KCNU1: variants seen among roughly 807,000 people sequenced by gnomAD.
KCNU1 encodes the protein potassium calcium-activated channel subfamily U member 1, also known as potassium channel subfamily U member 1.
A neutral mutation model predicts 126.8 loss-of-function variants in KCNU1; 93 were observed. The observed-to-expected ratio is 0.73, with a 90% CI of 0.62 to 0.87. KCNU1 has a LOEUF of 0.87. Ranked by LOEUF, KCNU1 falls within the 40% of genes least tolerant of loss-of-function variation. KCNU1 has a pLI of 0.00. For synonymous variants in KCNU1, 523 were observed against 494.2 expected, an observed-to-expected ratio of 1.06 and a Z score of -0.77; for missense variants, 1,330 against 1,367.1, an observed-to-expected ratio of 0.97 and a Z score of 0.43.
intron 20 of KCNU1, among the ~76,000 whole-genome samples, chr8:36,907,021 T>G (rs1807658049): frequency 6.6e-6 from 1 of 152,132 alleles, no homozygotes. Context: ...TTATTAAGAA[T>G]GCAGACAGGT....
chr8:36,862,853 A>T (rs998799273), intron 18 of KCNU1, among the ~76,000 whole-genome samples: 2 of 152,168 alleles, frequency 1.3e-5, no homozygotes, highest in African/African-American at 4.8e-5. Context: ...TGTCTTAGAC[A>T]TTCCATAACC....
Position 36,801,330 on chromosome 8 carries a change from C to T in KCNU1, c.316-2697C>T, listed in dbSNP as rs550620736. 1.1e-4 allele frequency among the ~76,000 whole-genome samples: 17 copies of T among 152,254 alleles called. 3 individuals carry two copies. Among genetic ancestry groups the T allele is most frequent in the African/African-American group, 4.1e-4 (17 of 41,548 alleles). ...TTAGTGTCCACAAATCTGTCAGCTC[C>T]CAGTGCCTTCTTTTGGTTTTAATAT... On this transcript the variant is annotated intron_variant, in intron 2 of 26. Coordinates refer to ENST00000399881, the MANE Select transcript of KCNU1 (RefSeq NM_001031836.3).
At chr8:36,831,811 GT>G (rs531029282) in intron 10 of KCNU1, among the ~76,000 whole-genome samples, 484 of 150,856 alleles carry the variant, frequency 3.2e-3, no homozygotes, top group Admixed American at 4.8e-3. Context: ...TGCTTTTGGT[GT>G]TTTAGACATG....
At chr8:36,906,428 AG>A (rs1019465551) in intron 20 of KCNU1, among the ~76,000 whole-genome samples, 10 of 152,250 alleles carry the variant, frequency 6.6e-5, no homozygotes, top group African/African-American at 1.9e-4. Context: ...AGATGGAAAA[AG>A]TCTTGTATCC....
At chr8:36,834,448 C>T (rs1044844902) in intron 11 of KCNU1, among the ~76,000 whole-genome samples, 12 of 152,156 alleles carry the variant, frequency 7.9e-5, no homozygotes, top group South Asian at 4.1e-4. Flanking sequence ...AATACACAGA[C>T]GGTTGCTTAT....
chr8:36,912,961 A>G (rs1807944292), intron 22 of KCNU1, among the ~76,000 whole-genome samples: 1 of 150,152 alleles, frequency 6.7e-6, no homozygotes, highest in African/African-American at 2.4e-5. Context: ...AGCAAAAAAA[A>G]AAAAAAAAAA....
intron 23 of KCNU1, among the ~76,000 whole-genome samples, chr8:36,920,894 T>C (rs1808318853): frequency 6.6e-6 from 1 of 152,238 alleles, no homozygotes; most frequent in African/African-American, 2.4e-5. Flanking sequence ...CATTCATTAA[T>C]GTCACTTCCC....
At chr8:36,867,531 ATTGT>A (rs1450295709) in intron 19 of KCNU1, among the ~76,000 whole-genome samples, 1 of 152,164 alleles carries the variant, frequency 6.6e-6, no homozygotes, top group African/African-American at 2.4e-5. Flanking sequence ...AAACTTGAAA[ATTGT>A]TTGTGAAGAC....
At chr8:36,871,959 G>A (rs1806118629) in intron 19 of KCNU1, among the ~76,000 whole-genome samples, 1 of 152,074 alleles carries the variant, frequency 6.6e-6, no homozygotes. Flanking sequence ...AAGGTTATGC[G>A]AAGCTTAGTC....
At chr8:36,923,193 A>C (rs1808424121) in intron 24 of KCNU1, 1 of 406,722 alleles carries the variant, frequency 2.5e-6, no homozygotes, top group Non-Finnish European at 4.9e-6. Context: ...CCCTGGGTGG[A>C]ATTAATTCAT....
intron 7 of KCNU1, among the ~76,000 whole-genome samples, chr8:36,812,344 C>T (rs1434118075): frequency 6.8e-6 from 1 of 146,714 alleles, no homozygotes; most frequent in East Asian, 2.0e-4. Flanking sequence ...CATACCACTG[C>T]ACTCCAGCCT....
intron 19 of KCNU1, among the ~76,000 whole-genome samples, chr8:36,867,540 G>A (rs779249255): frequency 1.3e-5 from 2 of 152,110 alleles, no homozygotes; most frequent in Non-Finnish European, 2.9e-5. Context: ...AATTGTTTGT[G>A]AAGACATAAA....
intron 22 of KCNU1, among the ~76,000 whole-genome samples, chr8:36,912,120 C>T (rs1807897330): frequency 2.0e-5 from 3 of 152,158 alleles, no homozygotes; most frequent in South Asian, 2.1e-4. Context: ...AATCCTTGGG[C>T]CATGCAGCCT....
chr8:36,854,146 C>T (rs181655099), intron 18 of KCNU1, among the ~76,000 whole-genome samples: 31 of 152,258 alleles, frequency 2.0e-4, no homozygotes, highest in African/African-American at 6.7e-4. Flanking sequence ...GACTTGAAGA[C>T]CCTCTGTCTT....
At chr8:36,850,446 A>G (rs557898413) in intron 18 of KCNU1, among the ~76,000 whole-genome samples, 1 of 147,422 alleles carries the variant, frequency 6.8e-6, no homozygotes, top group African/African-American at 2.5e-5. Context: ...CTCTTACAAA[A>G]TCGGTGATCT....
chr8:36,784,666 G>A lies in KCNU1; in HGVS notation c.195+61G>A, dbSNP rs900952429. 1.2e-5 allele frequency: 16 copies of A among 1,286,292 alleles called. No homozygotes were observed. The South Asian group carries it at 2.2e-4, about 17-fold the overall frequency. 79.7% of individuals were successfully genotyped at this position (1,286,292 alleles called of 1,614,324 possible). A position where few individuals can be genotyped will look rare whatever the true frequency, so the allele number is the denominator to read the frequency against. ...TCAGAGATGAGTTTGGGGTAGTTTT[G>A]TGTTTAGTAAAAGATCTAAGCTTCA... On this transcript the variant is annotated intron_variant, in intron 1 of 26. Transcript: ENST00000399881.
In KCNU1 at chr8:36,787,417, C is replaced by T; in HGVS notation, c.307C>T (p.Gln103Ter). The change falls in exon 2 of 27, where the codon CAA (glutamine) becomes TAA (stop). Residue 103 changes from glutamine (Q) to a stop codon, truncating the protein, a stop_gained. Transcript: ENST00000399881. LOFTEE classifies it high-confidence loss of function. ...GCTTTCAGCCCAGACCTTTGTGGGG[C>T]AAGTGTTGGTAAGTACATTTTCAGT... ...MLLSAQTFVG[Q>*]VLVILVFVLS... 2 of 1,608,568 alleles carry T rather than the reference C, an allele frequency of 1.2e-6. No individual in the cohort carries two copies. Among genetic ancestry groups the T allele is most frequent in the Non-Finnish European group, 1.7e-6 (2 of 1,177,142 alleles).
At chr8:36,807,547 A>T (rs1460994559) in intron 6 of KCNU1, 97 bp downstream of exon 6, 2 of 884,160 alleles carry the variant, frequency 2.3e-6, no homozygotes, top group East Asian at 4.9e-5. Flanking sequence ...TCTTATCAGA[A>T]TTTCAGTGCA....
chr8:36,928,056 T>G (rs1808587153), intron 24 of KCNU1, among the ~76,000 whole-genome samples: 1 of 150,024 alleles, frequency 6.7e-6, no homozygotes, highest in African/African-American at 2.5e-5. Flanking sequence ...GAAGGGAAGA[T>G]AGAAAGAAAG....
Sources: allele counts gnomAD v4.1 joint callset (sites outside exome capture counted in the v4.1 genomes callset), GRCh38; gene constraint gnomAD v4.1.1; transcripts MANE v1.5; gene names NCBI Gene and HGNC (gene_info 2026-07-23, HGNC 2026-07-21).